The following NBEA variants were observed in gnomAD, a reference collection of about 807,000 sequenced individuals.
NBEA encodes lysosomal-trafficking regulator 2.
Under a neutral mutation model 343.4 loss-of-function variants are expected in NBEA, and 44 were observed. The ratio of observed to expected loss-of-function variants is 0.13; its 90% confidence interval spans 0.10 to 0.16. The LOEUF (loss-of-function observed/expected upper bound fraction) is 0.16. Ranked by LOEUF, NBEA falls within the 10% of genes least tolerant of loss-of-function variation. The probability of loss-of-function intolerance (pLI) is 1.00; values close to 1 mark genes in which losing one functional copy is unlikely to be tolerated. For synonymous variants in NBEA, 1,175 were observed against 1,238.7 expected (o/e 0.95, Z 1.08); for missense variants, 2,555 against 3,631.3 (o/e 0.70, Z 7.62).
At chr13:35,124,609 C>T (rs187943054) in intron 17 of NBEA, among the ~76,000 whole-genome samples, 100 of 148,494 alleles carry the variant, frequency 6.7e-4, no homozygotes, top group African/African-American at 2.3e-3. Context: ...TATATATACA[C>T]ATACATATAT....
At position 35,159,827 on chromosome 13, in the gene NBEA, G is replaced by A; in HGVS notation, c.3656G>A (p.Ser1219Asn). 1 of 1,609,986 alleles carries A rather than the reference G, an allele frequency of 6.2e-7. No homozygotes were observed. Among genetic ancestry groups the A allele is most frequent in the Non-Finnish European group, 8.5e-7 (1 of 1,177,846 alleles). Residue 1219 changes from serine to asparagine, a missense_variant, in exon 22 of 59, where the codon AGT (serine) becomes AAT (asparagine). Coordinates refer to ENST00000379939, the MANE Select transcript of NBEA (RefSeq NM_001385012.1). ...KIHTTSDGMS[S>N]ISERDLASST... The stretch of plus-strand genomic sequence containing the variant: ...CATACAACTTCAGATGGAATGAGCA[G>A]TATTTCTGAAAGAGACTTAGCGTCA...
chr13:35,457,896 C>T (rs1313616100), intron 40 of NBEA, among the ~76,000 whole-genome samples: 2 of 151,228 alleles, frequency 1.3e-5, no homozygotes, highest in Non-Finnish European at 3.0e-5. Flanking sequence ...CGTGAGCCAC[C>T]GCGCCCAGCC....
intron 40 of NBEA, among the ~76,000 whole-genome samples, chr13:35,465,819 A>G (rs1472556404): frequency 6.8e-6 from 1 of 146,436 alleles, no homozygotes; most frequent in East Asian, 2.1e-4. Flanking sequence ...CAGAAAATGC[A>G]GCAGTTTTTT....
chr13:35,326,791 A>C (rs2038589738), intron 36 of NBEA, among the ~76,000 whole-genome samples: 4 of 151,978 alleles, frequency 2.6e-5, no homozygotes, highest in Admixed American at 2.6e-4. Context: ...GACAAGTGGG[A>C]CAAGGTTAAA....
chr13:35,265,737 A>T (rs559167712), intron 34 of NBEA, among the ~76,000 whole-genome samples: 59 of 152,052 alleles, frequency 3.9e-4, no homozygotes, highest in Non-Finnish European at 7.5e-4. Flanking sequence ...TAAATGTAAG[A>T]CCTACAACTA....
chr13:35,593,938 A>G (rs2081644539), intron 47 of NBEA, among the ~76,000 whole-genome samples: 1 of 152,122 alleles, frequency 6.6e-6, no homozygotes, highest in Admixed American at 6.6e-5. Context: ...ATACTATGCA[A>G]CAATACACAT....
intron 38 of NBEA, among the ~76,000 whole-genome samples, chr13:35,428,434 G>A (rs187930731): frequency 4.2e-4 from 64 of 152,230 alleles, no homozygotes; most frequent in Admixed American, 1.4e-3. Context: ...TATTCAGTTT[G>A]CATAATTTCT....
intron 39 of NBEA, among the ~76,000 whole-genome samples, chr13:35,435,817 A>C (rs1318586994): frequency 6.6e-6 from 1 of 152,206 alleles, no homozygotes. Flanking sequence ...AAAGAATCTC[A>C]TATACGTTGC....
intron 24 of NBEA, among the ~76,000 whole-genome samples, chr13:35,166,622 G>A (rs977902087): frequency 6.6e-6 from 1 of 152,078 alleles, no homozygotes; most frequent in Non-Finnish European, 1.5e-5. Flanking sequence ...TTTTTAGAAT[G>A]AATTGCTTCC....
intron 40 of NBEA, among the ~76,000 whole-genome samples, chr13:35,464,784 C>T (rs555058070): frequency 6.6e-6 from 1 of 152,274 alleles, no homozygotes; most frequent in South Asian, 2.1e-4. Flanking sequence ...TTCCTTATGT[C>T]ATAATTATTC....
intron 6 of NBEA, among the ~76,000 whole-genome samples, chr13:35,053,518 C>T (rs1249318449): frequency 1.3e-5 from 2 of 152,032 alleles, no homozygotes; most frequent in Admixed American, 1.3e-4. Context: ...ACTTTTATTA[C>T]TCCCAAATCT....
chr13:35,599,821 A>G (rs1468206705), intron 47 of NBEA, among the ~76,000 whole-genome samples: 1 of 152,244 alleles, frequency 6.6e-6, no homozygotes, highest in Non-Finnish European at 1.5e-5. Context: ...AATTTAAAAA[A>G]TACTTTAAGT....
At chr13:35,240,163 A>G (rs2029970089) in intron 34 of NBEA, among the ~76,000 whole-genome samples, 1 of 151,878 alleles carries the variant, frequency 6.6e-6, no homozygotes, top group Admixed American at 6.6e-5. Flanking sequence ...GATTTTGTCA[A>G]ATTTAGAGAA....
intron 48 of NBEA, among the ~76,000 whole-genome samples, chr13:35,607,650 T>G (rs947640980): frequency 6.6e-6 from 1 of 152,184 alleles, no homozygotes; most frequent in Admixed American, 6.6e-5. Context: ...AGAATTCAAA[T>G]AAGGTCCACA....
chr13:35,480,554 A>G (rs941576084), intron 41 of NBEA, among the ~76,000 whole-genome samples: 21 of 151,968 alleles, frequency 1.4e-4, no homozygotes, highest in Non-Finnish European at 1.6e-4. Flanking sequence ...TATTTTTTTA[A>G]TATGTGCTTA....
At chr13:34,947,168 T>C (rs1402096634) in intron 1 of NBEA, among the ~76,000 whole-genome samples, 1 of 152,074 alleles carries the variant, frequency 6.6e-6, no homozygotes, top group African/African-American at 2.4e-5. Flanking sequence ...AATTCAGGAT[T>C]CATATGTAAA....
At chr13:35,269,889 CA>C (rs753005138) in intron 34 of NBEA, among the ~76,000 whole-genome samples, 3 of 152,042 alleles carry the variant, frequency 2.0e-5, no homozygotes, top group Non-Finnish European at 4.4e-5. Flanking sequence ...TGGAGGGGAG[CA>C]AGGACAACTT....
At chr13:35,287,447 A>G (rs147177115) in intron 34 of NBEA, among the ~76,000 whole-genome samples, 51 of 151,972 alleles carry the variant, frequency 3.4e-4, no homozygotes, top group African/African-American at 1.2e-3. Context: ...AAAACCATAT[A>G]ATTTTCCTTC....
At chr13:35,195,571 G>C (rs1593698539) in intron 30 of NBEA, among the ~76,000 whole-genome samples, 1 of 151,606 alleles carries the variant, frequency 6.6e-6, no homozygotes, top group Non-Finnish European at 1.5e-5. Context: ...TTATTTTTGT[G>C]TTTTTAGTAG....
Sources: gnomAD v4.1 joint callset for allele counts (sites outside exome capture counted in the v4.1 genomes callset) on GRCh38, gnomAD v4.1.1 for gene constraint, MANE v1.5 for transcripts, NCBI Gene and HGNC (gene_info 2026-07-23, HGNC 2026-07-21) for gene names.